The following C5orf52 variants were observed in gnomAD, a reference collection of about 807,000 sequenced individuals.
The protein encoded by C5orf52 is uncharacterized protein C5orf52.
Under a neutral mutation model 16.8 loss-of-function variants are expected in C5orf52, and 15 were observed. The observed-to-expected ratio is 0.89, with a 90% CI of 0.60 to 1.38. The LOEUF (loss-of-function observed/expected upper bound fraction) is 1.38, where lower values mean the gene tolerates loss of function less well. Ranked by LOEUF, C5orf52 falls within the 40% of genes most tolerant of loss-of-function variation. The pLI, the probability that C5orf52 is intolerant of heterozygous loss-of-function variation, is 0.00. For missense variants in C5orf52, 206 were observed against 213.1 expected (o/e 0.97, Z 0.21); for synonymous variants, 83 against 87.2 (o/e 0.95, Z 0.27).
intron 1 of C5orf52, among the ~76,000 whole-genome samples, chr5:157,674,711 A>G (rs1270465677): frequency 2.0e-5 from 3 of 152,150 alleles, no homozygotes; most frequent in Non-Finnish European, 4.4e-5. Flanking sequence ...GTTTGCAGTA[A>G]GCCAAGATTG....
At chr5:157,677,899 G>A (rs1044322369) in intron 2 of C5orf52, among the ~76,000 whole-genome samples, 3 of 152,006 alleles carry the variant, frequency 2.0e-5, no homozygotes, top group Non-Finnish European at 2.9e-5. Flanking sequence ...CACAAGAATC[G>A]CTTGAACCCA....
rs1402861410 is a variant in C5orf52, at chr5:157,679,993, A to G, written c.474A>G (p.Pro158=). 6 of 1,551,158 alleles carry G rather than the reference A, an allele frequency of 3.9e-6. No homozygotes were observed. The South Asian group carries it at 6.0e-5, about 15-fold the overall frequency. The change falls in exon 3 of 3, where the codon CCA becomes CCG. Residue 158 remains proline, a synonymous_variant. Transcript: ENST00000409999. The stretch of plus-strand genomic sequence containing the variant: ...ACTTAACCTTCGGGATACCACCACC[A>G]GTTTAAACTCCAGTCTCCCAAGAAA... ...NRYLTFGIPP[P]V is the part of the protein sequence containing the mutation.
intron 1 of C5orf52, among the ~76,000 whole-genome samples, chr5:157,674,137 A>G (rs1229603204): frequency 1.3e-5 from 2 of 148,372 alleles, no homozygotes; most frequent in Non-Finnish European, 3.0e-5. Flanking sequence ...ACCCCACCCC[A>G]CCCCATCTTT....
upstream of C5orf52, chr5:157,671,476 A>T: frequency 1.5e-6 from 1 of 670,254 alleles, no homozygotes; most frequent in Middle Eastern, 3.3e-4. Context: ...CCCCGCAGCC[A>T]ATATGTGTCT....
At position 157,675,199 on chromosome 5, in the gene C5orf52, A is replaced by T; in HGVS notation, c.320A>T (p.Glu107Val). ...NRITQRIYEM[E>V]VSALEKTKKK... ...ATCACACAACGAATCTATGAGATGG[A>T]GGTAAAGTAGCCACAAGCTTTTGCA... Residue 107 changes from glutamate (E) to valine (V), a missense_variant and splice_region_variant, in exon 2 of 3, where the codon GAG becomes GTG. Transcript: ENST00000409999. 1 of 1,523,524 alleles carries T rather than the reference A, an allele frequency of 6.6e-7. No homozygotes were observed. Among genetic ancestry groups the T allele is most frequent in the East Asian group, 2.5e-5 (1 of 40,800 alleles). 94.4% of individuals were successfully genotyped at this position (1,523,524 alleles called of 1,614,324 possible). A position where few individuals can be genotyped will look rare whatever the true frequency, so the allele number is the denominator to read the frequency against.
At chr5:157,675,967 G>C (rs569174313) in intron 2 of C5orf52, among the ~76,000 whole-genome samples, 1 of 152,144 alleles carries the variant, frequency 6.6e-6, no homozygotes, top group Non-Finnish European at 1.5e-5. Flanking sequence ...GCCTGCTTGG[G>C]ACAGGTACTG....
chr5:157,677,654 C>CAAAAA (rs34801673), intron 2 of C5orf52, among the ~76,000 whole-genome samples: 6 of 116,988 alleles, frequency 5.1e-5, no homozygotes, highest in South Asian at 2.8e-4. Context: ...AACTCCCTCT[C>CAAAAA]AAAAAAAAAA....
Position 157,679,841 on chromosome 5 carries a change from G to C in C5orf52, c.322G>C (p.Val108Leu). 1 of 1,546,020 alleles carries C rather than the reference G, an allele frequency of 6.5e-7. No individual in the cohort carries two copies. Residue 108 changes from valine to leucine, a missense_variant and splice_region_variant, in exon 3 of 3, where the codon GTG becomes CTG. Coordinates refer to ENST00000409999, the MANE Select transcript of C5orf52 (RefSeq NM_001145132.2). ...RITQRIYEME[V>L]SALEKTKKKI... is the part of the protein sequence containing the mutation. Reference sequence around the variant, plus strand: ...TAACCTCACCTCTGTTTTTTGTAAGGTGAGCGCTTTAGAGAAGACCAAGAA... The same window carrying C: ...TAACCTCACCTCTGTTTTTTGTAAGCTGAGCGCTTTAGAGAAGACCAAGAA...
At chr5:157,678,526 G>A (rs1408953232) in intron 2 of C5orf52, among the ~76,000 whole-genome samples, 5 of 152,176 alleles carry the variant, frequency 3.3e-5, no homozygotes, top group South Asian at 2.1e-4. Flanking sequence ...GCATAATCTC[G>A]GCTCAATGCA....
At position 157,671,810 on chromosome 5, in the gene C5orf52, C is replaced by A. The variant is rs1378695626; in HGVS notation, c.196C>A (p.Gln66Lys). Residue 66 changes from glutamine (Q) to lysine (K), a missense_variant, in exon 1 of 3, where the codon CAG becomes AAG. Physicochemically the swap from Gln to Lys is moderately conservative, Grantham distance 53. Coordinates refer to ENST00000409999, the MANE Select transcript of C5orf52 (RefSeq NM_001145132.2). ...CTTTCCGCGGCCGAGGTCCGCGCAG[C>A]AGCCGGTGCTGTTCAGGTGTGGCCC... ...ICFPRPRSAQ[Q>K]PVLFSLMNSS... 4 of 1,538,230 alleles carry A rather than the reference C, an allele frequency of 2.6e-6. No homozygotes were observed. Among genetic ancestry groups the A allele is most frequent in the Admixed American group, 4.0e-5 (2 of 50,056 alleles).
chr5:157,672,712 A>C (rs1387241425), intron 1 of C5orf52, among the ~76,000 whole-genome samples: 1 of 152,106 alleles, frequency 6.6e-6, no homozygotes, highest in Non-Finnish European at 1.5e-5. Context: ...GTAAATCTAA[A>C]AACATACACG....
intron 1 of C5orf52, 91 bp from the exon 2 acceptor site, chr5:157,675,001 C>A: frequency 1.3e-6 from 1 of 740,914 alleles, no homozygotes; most frequent in Non-Finnish European, 2.3e-6. Flanking sequence ...CCCGGGGAAG[C>A]CTCAGCCACT....
intron 2 of C5orf52, among the ~76,000 whole-genome samples, chr5:157,677,654 CAAA>C (rs34801673): frequency 7.4e-4 from 87 of 117,052 alleles, no homozygotes; most frequent in African/African-American, 2.4e-3. Context: ...AACTCCCTCT[CAAA>C]AAAAAAAAAA....
chr5:157,674,503 C>A lies in C5orf52; in HGVS notation c.213-589C>A, dbSNP rs561351692. Reference sequence around the variant, plus strand: ...TTTTGGCTGGGTGGGCGTGGTGGCACTTGCCTGTAATCCCAGCACTTTGGG... The same window carrying A: ...TTTTGGCTGGGTGGGCGTGGTGGCAATTGCCTGTAATCCCAGCACTTTGGG... On this transcript the variant is annotated intron_variant, in intron 1 of 2. Coordinates refer to ENST00000409999, the MANE Select transcript of C5orf52 (RefSeq NM_001145132.2). 5.9e-5 allele frequency among the ~76,000 whole-genome samples: 9 copies of A among 152,324 alleles called. No homozygotes were observed. The South Asian group carries it at 1.7e-3, about 28-fold the overall frequency.
intron 1 of C5orf52, among the ~76,000 whole-genome samples, chr5:157,674,500 G>A (rs1759859956): frequency 6.6e-6 from 1 of 152,152 alleles, no homozygotes; most frequent in Non-Finnish European, 1.5e-5. Flanking sequence ...GGGCGTGGTG[G>A]CACTTGCCTG....
At chr5:157,674,780 C>T (rs1413350610) in intron 1 of C5orf52, among the ~76,000 whole-genome samples, 1 of 151,988 alleles carries the variant, frequency 6.6e-6, no homozygotes, top group Non-Finnish European at 1.5e-5. Context: ...AAACAAAAAA[C>T]ACAAAAAGGG....
At chr5:157,674,902 C>T (rs1759867201) in intron 1 of C5orf52, among the ~76,000 whole-genome samples, 190 bp from the exon 2 acceptor site, 1 of 152,172 alleles carries the variant, frequency 6.6e-6, no homozygotes, top group Non-Finnish European at 1.5e-5. Flanking sequence ...ATGAAATACC[C>T]CTTTAGCATA....
intron 1 of C5orf52, among the ~76,000 whole-genome samples, 180 bp downstream of exon 1, chr5:157,672,006 G>A (rs955944190): frequency 6.6e-6 from 1 of 152,320 alleles, no homozygotes; most frequent in African/African-American, 2.4e-5. Context: ...ATTCCCCGGA[G>A]CCCGAACTCC....
intron 2 of C5orf52, among the ~76,000 whole-genome samples, chr5:157,679,140 G>GA (rs368508408): frequency 3.0e-4 from 41 of 137,276 alleles, no homozygotes; most frequent in East Asian, 8.5e-4. Context: ...TCTCAAAAAA[G>GA]AAAAAAAAAA....
Sources: allele counts gnomAD v4.1 joint callset (sites outside exome capture counted in the v4.1 genomes callset), GRCh38; gene constraint gnomAD v4.1.1; transcripts MANE v1.5; gene names NCBI Gene and HGNC (gene_info 2026-07-23, HGNC 2026-07-21).